Variants in ARID5B observed in about 807,000 individuals in gnomAD.
ARID5B encodes the protein AT-rich interactive domain-containing protein 5B.
A neutral mutation model predicts 97.2 loss-of-function variants in ARID5B; 13 were observed. That is an observed-to-expected ratio of 0.13 (90% CI 0.09 to 0.21). The LOEUF is 0.21. ARID5B is among the 10% of genes least tolerant of loss of function. The pLI, the probability that ARID5B is intolerant of heterozygous loss-of-function variation, is 1.00. For missense variants in ARID5B, 1,210 were observed against 1,465.3 expected, an observed-to-expected ratio of 0.83 and a Z score of 2.84; for synonymous variants, 556 against 570.3, an observed-to-expected ratio of 0.97 and a Z score of 0.36.
chr10:62,053,332 G>C (rs1482525772), intron 5 of ARID5B, among the ~76,000 whole-genome samples: 1 of 152,200 alleles, frequency 6.6e-6, no homozygotes, highest in Non-Finnish European at 1.5e-5. Context: ...GGGACCCACT[G>C]GGTTTGTTGT....
chr10:62,001,908 G>A (rs1343858455), intron 4 of ARID5B, among the ~76,000 whole-genome samples: 1 of 152,096 alleles, frequency 6.6e-6, no homozygotes, highest in African/African-American at 2.4e-5. Context: ...ATAAATGTAT[G>A]CAATACATTT....
At position 62,069,690 on chromosome 10, in the gene ARID5B, A is replaced by AT. The variant is rs753487904; in HGVS notation, c.1102-4dup. On this transcript the variant is annotated splice_polypyrimidine_tract_variant and intron_variant, in intron 7 of 9. Coordinates refer to ENST00000279873, the MANE Select transcript of ARID5B (RefSeq NM_032199.3). Reference sequence around the variant, plus strand: ...ATGTAAGATTGAATTTCCCATTGCCATTTTTTCAGATAACAGCCCGCCGTC... The same window carrying AT: ...ATGTAAGATTGAATTTCCCATTGCCATTTTTTTCAGATAACAGCCCGCCGTC... The AT allele has an allele frequency of 1.2e-5, 19 of 1,613,386 alleles. No individual in the cohort carries two copies. The highest frequency in any genetic ancestry group is 1.5e-5 in the Non-Finnish European group (18 of 1,179,544).
chr10:61,913,564 G>A (rs1161911712), intron 2 of ARID5B, among the ~76,000 whole-genome samples: 2 of 152,180 alleles, frequency 1.3e-5, no homozygotes, highest in African/African-American at 4.8e-5. Flanking sequence ...TGTTTTGTGG[G>A]GAAGGGGCTG....
chr10:61,959,011 G>A (rs1838433128), intron 3 of ARID5B, among the ~76,000 whole-genome samples: 1 of 152,210 alleles, frequency 6.6e-6, no homozygotes, highest in Non-Finnish European at 1.5e-5. Flanking sequence ...ATGAAAGGCT[G>A]TCAGTTGAAG....
chr10:62,062,697 A>G (rs1839936540), intron 7 of ARID5B, among the ~76,000 whole-genome samples: 1 of 151,494 alleles, frequency 6.6e-6, no homozygotes, highest in Admixed American at 6.6e-5. Flanking sequence ...GTTGGAACTC[A>G]GTAAACTATT....
intron 2 of ARID5B, among the ~76,000 whole-genome samples, chr10:61,934,709 T>C (rs1844267388): frequency 6.6e-6 from 1 of 152,102 alleles, no homozygotes; most frequent in Admixed American, 6.5e-5. Context: ...ACAATTACAA[T>C]AGTAATATTA....
Position 61,984,357 on chromosome 10 carries a change from A to G in ARID5B, c.503-15734A>G, listed in dbSNP as rs76457766. 7.8e-3 allele frequency among the ~76,000 whole-genome samples: 1,185 copies of G among 152,332 alleles called. 8 individuals carry two copies. The highest frequency in any genetic ancestry group is 0.012 in the Non-Finnish European group (797 of 68,026). ...TTTGGCACTGAGTAGGAACCAAATA[A>G]AGGTTCGCTGACTGCATGAGGAAAG... On this transcript the variant is annotated intron_variant, in intron 3 of 9. Coordinates refer to ENST00000279873, the MANE Select transcript of ARID5B (RefSeq NM_032199.3).
At chr10:61,917,451 G>A (rs538883155) in intron 2 of ARID5B, among the ~76,000 whole-genome samples, 3 of 152,116 alleles carry the variant, frequency 2.0e-5, no homozygotes, top group Non-Finnish European at 4.4e-5. Flanking sequence ...CGTCAGCCCC[G>A]CTGAGTAGCT....
intron 8 of ARID5B, among the ~76,000 whole-genome samples, chr10:62,078,084 C>G (rs2132966157): frequency 6.6e-6 from 1 of 152,318 alleles, no homozygotes; most frequent in East Asian, 1.9e-4. Context: ...TTCAGAAGTT[C>G]TGGAACCAGT....
chr10:62,016,346 A>C (rs1032702160), intron 4 of ARID5B, among the ~76,000 whole-genome samples: 1 of 152,240 alleles, frequency 6.6e-6, no homozygotes, highest in Non-Finnish European at 1.5e-5. Flanking sequence ...AGGTTCATTA[A>C]ATTTTAAGAC....
chr10:62,082,031 GA>G (rs201306146), intron 8 of ARID5B, among the ~76,000 whole-genome samples: 5 of 151,624 alleles, frequency 3.3e-5, no homozygotes, highest in African/African-American at 1.2e-4. Context: ...ATGAGGAGGG[GA>G]AAAAATCTTG....
chr10:62,003,764 C>A (rs1839112613), intron 4 of ARID5B, among the ~76,000 whole-genome samples: 1 of 152,122 alleles, frequency 6.6e-6, no homozygotes, highest in Admixed American at 6.5e-5. Context: ...ACCTGCATTC[C>A]CTGGATTCAT....
rs913855466 is a variant in ARID5B, at chr10:62,094,204, A to G, written c.*1174A>G. 4.3e-5 allele frequency: 10 copies of G among 232,566 alleles called. No homozygotes were observed. Among genetic ancestry groups the G allele is most frequent in the African/African-American group, 2.0e-4 (9 of 45,334 alleles). 14.4% of individuals were successfully genotyped at this position (232,566 alleles called of 1,614,324 possible). A position where few individuals can be genotyped will look rare whatever the true frequency, so the allele number is the denominator to read the frequency against. On this transcript the variant is annotated 3_prime_UTR_variant, in exon 10 of 10. Transcript: ENST00000279873. ...CAAAATGATTTACATTGGCGTTGGC[A>G]CTGATTCCTTTAAATGGTCTGGGAA...
Position 62,095,667 on chromosome 10 carries a change from C to T in ARID5B, c.*2637C>T, listed in dbSNP as rs1457040836. The T allele has an allele frequency of 4.3e-6, 1 of 233,006 alleles. No homozygotes were observed. Among genetic ancestry groups the T allele is most frequent in the Non-Finnish European group, 8.5e-6 (1 of 117,702 alleles). The allele number at this position is 233,006 out of a possible 1,614,324, so 14.4% of individuals were successfully genotyped here. ...GCAGTGTGTTATTTGTTTTAAAACT[C>T]TGAACAGAGATCTTGGAAATCTTTC... On this transcript the variant is annotated 3_prime_UTR_variant, in exon 10 of 10. Coordinates refer to ENST00000279873, the MANE Select transcript of ARID5B (RefSeq NM_032199.3).
At chr10:61,965,345 G>C (rs889720859) in intron 3 of ARID5B, among the ~76,000 whole-genome samples, 1 of 152,074 alleles carries the variant, frequency 6.6e-6, no homozygotes, top group Non-Finnish European at 1.5e-5. Flanking sequence ...AGAGAGAGGA[G>C]GATTTTAAAT....
At chr10:61,915,747 GTTTGTTT>G (rs1253941724) in intron 2 of ARID5B, among the ~76,000 whole-genome samples, 1 of 152,164 alleles carries the variant, frequency 6.6e-6, no homozygotes, top group African/African-American at 2.4e-5. Flanking sequence ...GTCTTTGTTT[GTTTGTTT>G]TTTGTTTGTT....
intron 4 of ARID5B, among the ~76,000 whole-genome samples, chr10:62,029,915 G>C (rs1335895750): frequency 3.3e-5 from 5 of 152,104 alleles, no homozygotes; most frequent in Non-Finnish European, 7.4e-5. Flanking sequence ...AGAGCGTTTG[G>C]CTTTAGCAGA....
At chr10:62,086,869 T>A (rs1469639786) in intron 9 of ARID5B, among the ~76,000 whole-genome samples, 1 of 82,512 alleles carries the variant, frequency 1.2e-5, no homozygotes, top group Non-Finnish European at 2.7e-5. Context: ...TCAAAAAAAA[T>A]GCTTTGGAGG....
intron 7 of ARID5B, among the ~76,000 whole-genome samples, chr10:62,062,779 CAAAAAAAAA>C (rs55969343): frequency 8.1e-5 from 7 of 86,204 alleles, no homozygotes; most frequent in Admixed American, 2.6e-4. Context: ...GGCCTTTGTG[CAAAAAAAAA>C]AAAAAAAAAA....
Sources: allele counts gnomAD v4.1 joint callset (sites outside exome capture counted in the v4.1 genomes callset), GRCh38; gene constraint gnomAD v4.1.1; transcripts MANE v1.5; gene names NCBI Gene and HGNC (gene_info 2026-07-23, HGNC 2026-07-21).